The following NEGR1 variants were observed in gnomAD, a reference collection of about 807,000 sequenced individuals.
The protein encoded by NEGR1 is IgLON family member 4.
In NEGR1, 10 loss-of-function variants were observed where a neutral mutation model predicts 40.9. That is an observed-to-expected ratio of 0.24 (90% CI 0.15 to 0.42). The LOEUF (loss-of-function observed/expected upper bound fraction) is 0.42. NEGR1 is among the 10% of genes least tolerant of loss of function. NEGR1 has a pLI of 1.00. For synonymous variants in NEGR1, 185 were observed against 166.8 expected (o/e 1.11, Z -0.84); for missense variants, 352 against 438.9 (o/e 0.80, Z 1.77).
intron 6 of NEGR1, among the ~76,000 whole-genome samples, chr1:71,449,829 T>C (rs558768378): frequency 2.2e-4 from 34 of 152,298 alleles, no homozygotes; most frequent in South Asian, 4.1e-4. Flanking sequence ...CTTCAAATCT[T>C]AGACCACATT....
intron 3 of NEGR1, among the ~76,000 whole-genome samples, chr1:71,773,130 G>C (rs545755636): frequency 4.1e-4 from 63 of 152,092 alleles, no homozygotes; most frequent in Non-Finnish European, 9.1e-4. Context: ...TGAACACACA[G>C]CCTCATTTTT....
chr1:71,459,701 G>C (rs1255596674), intron 6 of NEGR1, among the ~76,000 whole-genome samples: 2 of 152,138 alleles, frequency 1.3e-5, no homozygotes, highest in South Asian at 2.1e-4. Flanking sequence ...ACTGTGTCCT[G>C]TCAGAACACT....
chr1:71,776,032 A>G, intron 3 of NEGR1, 140 bp downstream of exon 3: 1 of 271,288 alleles, frequency 3.7e-6, no homozygotes, highest in Non-Finnish European at 7.0e-6. Flanking sequence ...TAAATAAATA[A>G]ATAAATAAAT....
At chr1:71,643,714 T>A (rs867107684) in intron 4 of NEGR1, among the ~76,000 whole-genome samples, 1 of 151,990 alleles carries the variant, frequency 6.6e-6, no homozygotes, top group African/African-American at 2.4e-5. Flanking sequence ...AAATTCAGGC[T>A]CTGAAATATT....
chr1:71,759,322 T>C (rs1300210319), intron 3 of NEGR1, among the ~76,000 whole-genome samples: 3 of 111,064 alleles, frequency 2.7e-5, no homozygotes, highest in Non-Finnish European at 5.4e-5. Flanking sequence ...TTTTGAGACA[T>C]AGTCTCACTT....
rs1026305329 is a variant in NEGR1, at chr1:71,809,761, C to T, written c.410-33464G>A. ...GTGTGTGTATGTGTGTGTATGTGTGCGCGCACATACACGTAGTAATTCACA... is the reference window on the plus strand; with the variant it reads ...GTGTGTGTATGTGTGTGTATGTGTGTGCGCACATACACGTAGTAATTCACA... On this transcript the variant is annotated intron_variant, in intron 2 of 6. Coordinates refer to ENST00000357731, the MANE Select transcript of NEGR1 (RefSeq NM_173808.3). 6.6e-5 allele frequency among the ~76,000 whole-genome samples: 10 copies of T among 151,838 alleles called. No homozygotes were observed. In the South Asian group the frequency reaches 1.0e-3, roughly 16 times the overall value.
intron 2 of NEGR1, among the ~76,000 whole-genome samples, chr1:71,930,226 C>A (rs1021458156): frequency 6.6e-6 from 1 of 151,968 alleles, no homozygotes; most frequent in African/African-American, 2.4e-5. Flanking sequence ...TGAATGAATG[C>A]TATGTGTACC....
At chr1:71,819,309 T>C (rs1285176874) in intron 2 of NEGR1, among the ~76,000 whole-genome samples, 1 of 151,796 alleles carries the variant, frequency 6.6e-6, no homozygotes, top group African/African-American at 2.4e-5. Context: ...CATTGAAAAA[T>C]GAATCCAGTT....
intron 2 of NEGR1, among the ~76,000 whole-genome samples, chr1:71,929,003 CT>C (rs1404217705): frequency 5.3e-5 from 8 of 152,040 alleles, no homozygotes; most frequent in South Asian, 2.1e-4. Context: ...ATGTATACCC[CT>C]ATCCATGTAA....
At chr1:71,440,909 T>C (rs1354765686) in intron 6 of NEGR1, among the ~76,000 whole-genome samples, 1 of 152,240 alleles carries the variant, frequency 6.6e-6, no homozygotes, top group Admixed American at 6.5e-5. Context: ...AGATTTTGAA[T>C]ATTAATGCTT....
At chr1:71,434,971 G>T (rs1423962212) in intron 6 of NEGR1, among the ~76,000 whole-genome samples, 1 of 151,876 alleles carries the variant, frequency 6.6e-6, no homozygotes, top group East Asian at 1.9e-4. Flanking sequence ...GGCGCCTGTA[G>T]TCCCAGCTAC....
At chr1:71,581,537 T>C (rs1006925823) in intron 6 of NEGR1, among the ~76,000 whole-genome samples, 1 of 152,138 alleles carries the variant, frequency 6.6e-6, no homozygotes, top group African/African-American at 2.4e-5. Flanking sequence ...ATGTGGAACA[T>C]CATGCATGTC....
intron 1 of NEGR1, among the ~76,000 whole-genome samples, chr1:72,279,334 G>A (rs902366144): frequency 6.6e-6 from 1 of 152,086 alleles, no homozygotes; most frequent in Non-Finnish European, 1.5e-5. Flanking sequence ...TTAAACTTCT[G>A]TTTTATTAGT....
intron 1 of NEGR1, among the ~76,000 whole-genome samples, chr1:72,039,160 A>C (rs1013783059): frequency 2.0e-5 from 3 of 151,984 alleles, no homozygotes; most frequent in African/African-American, 7.2e-5. Flanking sequence ...CAGATTATGC[A>C]ATGTAATTAT....
chr1:71,604,941 C>T (rs1650031950), intron 5 of NEGR1, among the ~76,000 whole-genome samples: 1 of 152,092 alleles, frequency 6.6e-6, no homozygotes, highest in African/African-American at 2.4e-5. Flanking sequence ...GCAAAAATTT[C>T]CATTTTGTAG....
At chr1:72,247,038 G>A (rs1355515664) in intron 1 of NEGR1, among the ~76,000 whole-genome samples, 7 of 152,248 alleles carry the variant, frequency 4.6e-5, no homozygotes, top group African/African-American at 1.7e-4. Flanking sequence ...TAGCCAGGAT[G>A]TAGGGAGCAG....
chr1:72,224,210 T>C (rs1317015249), intron 1 of NEGR1, among the ~76,000 whole-genome samples: 2 of 151,836 alleles, frequency 1.3e-5, no homozygotes, highest in Admixed American at 1.3e-4. Context: ...ACTGTCTAAG[T>C]TCTAAAAAGA....
At chr1:71,530,618 A>C (rs1451291585) in intron 6 of NEGR1, among the ~76,000 whole-genome samples, 1 of 151,340 alleles carries the variant, frequency 6.6e-6, no homozygotes, top group African/African-American at 2.4e-5. Context: ...CCCTACAATA[A>C]TCATTTCTAA....
intron 1 of NEGR1, among the ~76,000 whole-genome samples, chr1:72,278,407 T>C (rs371881686): frequency 1.4e-4 from 21 of 152,258 alleles, no homozygotes; most frequent in African/African-American, 4.3e-4. Context: ...GTTTTAAAAA[T>C]GTGCAGGCAC....
Sources: gnomAD v4.1 joint callset for allele counts (sites outside exome capture counted in the v4.1 genomes callset) on GRCh38, gnomAD v4.1.1 for gene constraint, MANE v1.5 for transcripts, NCBI Gene and HGNC (gene_info 2026-07-23, HGNC 2026-07-21) for gene names.